Variants in COL21A1 observed in about 807,000 individuals in gnomAD.
The protein encoded by COL21A1 is collagen type XXI alpha 1 chain, also known as collagen alpha-1(XXI) chain.
COL21A1 carries 149 observed loss-of-function variants against 137.9 expected under a neutral mutation model. The ratio of observed to expected loss-of-function variants is 1.08; its 90% CI spans 0.95 to 1.24. COL21A1 has a LOEUF of 1.24. Ranked by LOEUF, COL21A1 falls within the 50% of genes most tolerant of loss-of-function variation. The pLI, the probability that COL21A1 is intolerant of heterozygous loss-of-function variation, is 0.00. For missense variants in COL21A1, 1,167 were observed against 1,158.4 expected (o/e 1.01, Z -0.11); for synonymous variants, 456 against 391.5 (o/e 1.16, Z -1.95).
chr6:56,225,937 A>G (rs1038119469), intron 1 of COL21A1: 1 of 151,996 alleles, frequency 6.6e-6, no homozygotes, highest in Non-Finnish European at 1.5e-5. Context: ...GTTTAAATAG[A>G]TTAATCACAG....
intron 1 of COL21A1, among the ~76,000 whole-genome samples, chr6:56,336,043 T>C (rs913045987): frequency 2.6e-5 from 4 of 152,222 alleles, no homozygotes; most frequent in Non-Finnish European, 5.9e-5. Context: ...AGCTAACATT[T>C]ACAAAACACT....
intron 22 of COL21A1, 193 bp downstream of exon 22, chr6:56,068,853 C>A: frequency 4.1e-6 from 2 of 485,592 alleles, no homozygotes; most frequent in Non-Finnish European, 3.6e-6. Flanking sequence ...GGAGACAATA[C>A]CCATGTGGGT....
At chr6:56,316,476 ACTT>A (rs1378007231) in intron 1 of COL21A1, among the ~76,000 whole-genome samples, 5 of 30,358 alleles carry the variant, frequency 1.6e-4, no homozygotes, top group Non-Finnish European at 4.0e-4. Context: ...TTCTAAATAG[ACTT>A]TTTTTTTTTT....
rs1446713627 is a variant in COL21A1 at position 56,182,545 on chromosome 6, C to G, written c.74G>C (p.Gly25Ala). Residue 25 changes from glycine (G) to alanine (A), a missense_variant, in exon 2 of 30, where the codon GGG (glycine) becomes GCG (alanine). By Grantham distance (60) the Gly-to-Ala change is moderately conservative. Transcript: ENST00000244728. The part of the protein sequence containing the change: ...LLQNSVLAED[G>A]EVRSSCRTAP... ...ATAGTTCTTACTTGATCTTACTTCCCCATCTTCAGCTAACACAGAATTCTG... is the reference window on the plus strand; with the variant it reads ...ATAGTTCTTACTTGATCTTACTTCCGCATCTTCAGCTAACACAGAATTCTG... 6.3e-7 allele frequency: 1 copy of G among 1,598,732 alleles called. No individual in the cohort carries two copies. Among genetic ancestry groups the G allele is most frequent in the Non-Finnish European group, 8.5e-7 (1 of 1,170,228 alleles).
intron 1 of COL21A1, among the ~76,000 whole-genome samples, chr6:56,245,145 G>A (rs1478890061): frequency 6.6e-6 from 1 of 151,734 alleles, no homozygotes; most frequent in Non-Finnish European, 1.5e-5. Context: ...ACACCAGATA[G>A]TACTTCTAAA....
At chr6:56,260,697 C>CAGGAAGGG (rs1763245061) in intron 1 of COL21A1, among the ~76,000 whole-genome samples, 1 of 113,272 alleles carries the variant, frequency 8.8e-6, no homozygotes, top group African/African-American at 3.3e-5. Flanking sequence ...GGAAGGCAGG[C>CAGGAAGGG]AGGCAGGCAG....
At chr6:56,343,420 T>A (rs1169040947) in intron 1 of COL21A1, among the ~76,000 whole-genome samples, 1 of 152,180 alleles carries the variant, frequency 6.6e-6, no homozygotes, top group Non-Finnish European at 1.5e-5. Flanking sequence ...GCCAAGCTTT[T>A]AAAAAATTGC....
intron 1 of COL21A1, among the ~76,000 whole-genome samples, chr6:56,387,557 C>A (rs1223971991): frequency 6.6e-6 from 1 of 152,118 alleles, no homozygotes; most frequent in Non-Finnish European, 1.5e-5. Context: ...GCCTACACCA[C>A]CCCTCTCCCA....
chr6:56,266,031 T>C (rs1763383607), intron 1 of COL21A1, among the ~76,000 whole-genome samples: 1 of 152,198 alleles, frequency 6.6e-6, no homozygotes, highest in African/African-American at 2.4e-5. Context: ...CCCAGTGCTT[T>C]TAACGAGGCA....
At chr6:56,187,119 G>C (rs1778356011) in intron 1 of COL21A1, among the ~76,000 whole-genome samples, 1 of 152,108 alleles carries the variant, frequency 6.6e-6, no homozygotes, top group Non-Finnish European at 1.5e-5. Context: ...AAAGTCTAAG[G>C]GCGAAATCTG....
At position 56,075,535 on chromosome 6, in the gene COL21A1, A is replaced by G; in HGVS notation, c.1858-3T>C. Reference sequence around the variant, plus strand: ...TGTCCTGGAGGCCCAATTTCTCCCTAAAAAAATCAAACATTAAAAACATTA... The same window carrying G: ...TGTCCTGGAGGCCCAATTTCTCCCTGAAAAAATCAAACATTAAAAACATTA... On this transcript the variant is annotated splice_polypyrimidine_tract_variant and splice_region_variant and intron_variant, in intron 18 of 29. Transcript: ENST00000244728. The G allele has an allele frequency of 6.6e-7, 1 of 1,511,478 alleles. No homozygotes were observed. Among genetic ancestry groups the G allele is most frequent in the Non-Finnish European group, 8.9e-7 (1 of 1,129,390 alleles). 93.6% of individuals were successfully genotyped at this position (1,511,478 alleles called of 1,614,324 possible).
At chr6:56,084,726 C>A (rs12195034) in intron 17 of COL21A1, among the ~76,000 whole-genome samples, 10,919 of 151,996 alleles carry the variant, frequency 0.072, 434 homozygotes, top group Middle Eastern at 0.12. Flanking sequence ...ACATTTAAAT[C>A]ATTCAAGAAA....
chr6:56,260,611 AAGAAAG>A (rs1480887110), intron 1 of COL21A1, among the ~76,000 whole-genome samples: 6 of 123,166 alleles, frequency 4.9e-5, no homozygotes, highest in East Asian at 2.3e-4. Flanking sequence ...AAGAAGAAGA[AAGAAAG>A]AGAGAGAGAG....
At chr6:56,097,453 T>G (rs1430976142) in intron 17 of COL21A1, among the ~76,000 whole-genome samples, 1 of 151,818 alleles carries the variant, frequency 6.6e-6, no homozygotes, top group Admixed American at 6.6e-5. Context: ...GCTGTAAGCC[T>G]CCATGAGGCA....
At chr6:56,203,619 A>G (rs1404777437) in intron 1 of COL21A1, among the ~76,000 whole-genome samples, 1 of 152,236 alleles carries the variant, frequency 6.6e-6, no homozygotes, top group Non-Finnish European at 1.5e-5. Flanking sequence ...CCAAGAGCCA[A>G]TTTGAAAGGC....
At chr6:56,348,872 T>C (rs1582797885) in intron 1 of COL21A1, among the ~76,000 whole-genome samples, 1 of 152,192 alleles carries the variant, frequency 6.6e-6, no homozygotes, top group South Asian at 2.1e-4. Flanking sequence ...ACATCATTTA[T>C]CTTTGAAATT....
intron 1 of COL21A1, among the ~76,000 whole-genome samples, chr6:56,242,038 G>A (rs547101551): frequency 3.7e-4 from 57 of 152,126 alleles, no homozygotes; most frequent in African/African-American, 1.2e-3. Flanking sequence ...TTGATGAATG[G>A]GTGAACACTA....
intron 17 of COL21A1, among the ~76,000 whole-genome samples, chr6:56,092,521 AT>A (rs1448127618): frequency 6.6e-6 from 1 of 152,174 alleles, no homozygotes; most frequent in Non-Finnish European, 1.5e-5. Context: ...AAATAGACAA[AT>A]TAAGTTTTTA....
chr6:56,133,737 G>T (rs62413468), intron 12 of COL21A1, among the ~76,000 whole-genome samples: 1 of 152,106 alleles, frequency 6.6e-6, no homozygotes, highest in Non-Finnish European at 1.5e-5. Context: ...GGTACCCTAC[G>T]TTCTAGCCAC....
Sources: allele counts gnomAD v4.1 joint callset (sites outside exome capture counted in the v4.1 genomes callset), GRCh38; gene constraint gnomAD v4.1.1; transcripts MANE v1.5; gene names NCBI Gene and HGNC (gene_info 2026-07-23, HGNC 2026-07-21).